C2CD3: variants seen among roughly 807,000 people sequenced by gnomAD.
C2CD3 encodes the protein C2 domain-containing protein 3.
In C2CD3, 148 loss-of-function variants were observed where a neutral mutation model predicts 234.0. The ratio of observed to expected loss-of-function variants is 0.63; its 90% CI spans 0.55 to 0.72. C2CD3 has a LOEUF of 0.72. Among genes scored for constraint, C2CD3 ranks in the 30% least tolerant of loss-of-function variants. The probability of loss-of-function intolerance (pLI) is 0.00; values close to 1 mark genes in which losing one functional copy is unlikely to be tolerated. For synonymous variants in C2CD3, 1,000 were observed against 1,035.4 expected (o/e 0.97, Z 0.66); for missense variants, 2,577 against 2,811.5 (o/e 0.92, Z 1.89).
At chr11:74,054,780 T>C in intron 25 of C2CD3, 109 bp from the exon 26 acceptor site, 5 of 666,638 alleles carry the variant, frequency 7.5e-6, no homozygotes, top group African/African-American at 1.9e-5. Context: ...CCCAACACTA[T>C]TTCATCTTCT....
At chr11:74,084,434 A>T (rs1025767372) in intron 22 of C2CD3, among the ~76,000 whole-genome samples, 35 of 42,478 alleles carry the variant, frequency 8.2e-4, no homozygotes, top group African/African-American at 2.5e-3. Context: ...AAGTATAATA[A>T]AAAAAAAAAA....
chr11:74,106,380 G>A lies in C2CD3; in HGVS notation c.2076C>T (p.Gly692=). The A allele has an allele frequency of 1.2e-6, 2 of 1,613,908 alleles. No individual in the cohort carries two copies. Among genetic ancestry groups the A allele is most frequent in the South Asian group, 1.1e-5 (1 of 91,056 alleles). Residue 692 remains glycine (G), a synonymous_variant, in exon 13 of 33, where the codon GGC becomes GGT. Coordinates refer to ENST00000334126, the MANE Select transcript of C2CD3 (RefSeq NM_001286577.2). ...VQQENGQSPF[G]PLKVTMELIT... ...ATGTATATCTACATACCTTGAGGGGGCCAAATGGAGACTGACCATTTTCTT... is the reference window on the plus strand; with the variant it reads ...ATGTATATCTACATACCTTGAGGGGACCAAATGGAGACTGACCATTTTCTT...
In C2CD3 at chr11:74,092,512, T is replaced by C; in HGVS notation, c.3421A>G (p.Thr1141Ala). 2 of 1,613,520 alleles carry C rather than the reference T, an allele frequency of 1.2e-6. No homozygotes were observed. The highest frequency in any genetic ancestry group is 4.5e-5 in the East Asian group (2 of 44,874). The change falls in exon 19 of 33, where the codon ACC (threonine) becomes GCC (alanine). Residue 1141 changes from threonine (T) to alanine (A), a missense_variant. Physicochemically the swap from Thr to Ala is moderately conservative, Grantham distance 58. Coordinates refer to ENST00000334126, the MANE Select transcript of C2CD3 (RefSeq NM_001286577.2). ...CCCACATCCTCACGATGCTGGGTGG[T>C]TACCATAGCACAGATCCTTGATAAT... is the stretch of plus-strand genomic sequence containing the variant. ...LPLSRICAMV[T>A]TQHREDVGIQ... is the part of the protein sequence containing the mutation.
At chr11:74,084,464 C>G (rs984143858) in intron 22 of C2CD3, among the ~76,000 whole-genome samples, 1 of 151,090 alleles carries the variant, frequency 6.6e-6, no homozygotes, top group East Asian at 1.9e-4. Context: ...AAAAAAGAAA[C>G]GGGGTTTCAC....
chr11:74,024,530 C>A (rs1008411986), intron 32 of C2CD3, among the ~76,000 whole-genome samples: 1 of 152,106 alleles, frequency 6.6e-6, no homozygotes, highest in Admixed American at 6.5e-5. Context: ...CAAAGTGAGG[C>A]CTTTTTAATA....
At chr11:74,101,310 G>A (rs1157696676) in intron 14 of C2CD3, among the ~76,000 whole-genome samples, 1 of 152,102 alleles carries the variant, frequency 6.6e-6, no homozygotes, top group Non-Finnish European at 1.5e-5. Flanking sequence ...TAGAATCAAG[G>A]GCCCACCAAT....
chr11:74,025,300 G>A (rs1952247005), intron 32 of C2CD3, among the ~76,000 whole-genome samples: 1 of 152,190 alleles, frequency 6.6e-6, no homozygotes, highest in Non-Finnish European at 1.5e-5. Flanking sequence ...AGTTGTGAGT[G>A]CGAAGTTTAG....
intron 7 of C2CD3, among the ~76,000 whole-genome samples, chr11:74,132,179 C>T (rs911348535): frequency 7.2e-5 from 11 of 151,990 alleles, no homozygotes; most frequent in African/African-American, 2.2e-4. Flanking sequence ...GGTGAAACCC[C>T]GTCGCTACTA....
chr11:74,054,199 G>A (rs983130773), intron 26 of C2CD3, among the ~76,000 whole-genome samples: 1 of 151,402 alleles, frequency 6.6e-6, no homozygotes, highest in African/African-American at 2.4e-5. Context: ...GTGAACCTGG[G>A]AGGCGGAGCT....
At chr11:74,149,597 CT>C (rs1159593570) in intron 3 of C2CD3, among the ~76,000 whole-genome samples, 7,573 of 143,342 alleles carry the variant, frequency 0.053, 582 homozygotes, top group African/African-American at 0.18. Context: ...TGTTTTGTAA[CT>C]TTTTTTTTTT....
rs2135537518 is a variant in C2CD3 at position 74,133,503 on chromosome 11, T to C, written c.1010A>G (p.Lys337Arg). The C allele has an allele frequency of 6.2e-7, 1 of 1,614,050 alleles. No homozygotes were observed. Among genetic ancestry groups the C allele is most frequent in the East Asian group, 2.2e-5 (1 of 44,876 alleles). ...LRNAMVISAM[K>R]SSPETSMLLD... ...CAACATGCTGGTCTCTGGGCTTGATTTCATTGCAGAAATCACCATGGCATT... is the reference window on the plus strand; with the variant it reads ...CAACATGCTGGTCTCTGGGCTTGATCTCATTGCAGAAATCACCATGGCATT... Residue 337 changes from lysine (K) to arginine (R), a missense_variant, in exon 6 of 33, where the codon AAA becomes AGA. Physicochemically the swap from Lys to Arg is conservative, Grantham distance 26. Transcript: ENST00000334126.
At chr11:74,047,755 C>G (rs1488285547) in intron 28 of C2CD3, among the ~76,000 whole-genome samples, 1 of 152,192 alleles carries the variant, frequency 6.6e-6, no homozygotes, top group Non-Finnish European at 1.5e-5. Flanking sequence ...AAGCAGCAAC[C>G]TTATTCTTAG....
intron 23 of C2CD3, among the ~76,000 whole-genome samples, chr11:74,075,957 G>A (rs934515177): frequency 2.6e-5 from 4 of 152,170 alleles, no homozygotes; most frequent in East Asian, 1.9e-4. Flanking sequence ...TGAGAGAAAC[G>A]GATGATCTGA....
At chr11:74,016,726 A>G (rs1212281249) in intron 32 of C2CD3, 1 of 152,242 alleles carries the variant, frequency 6.6e-6, no homozygotes, top group African/African-American at 2.4e-5. Flanking sequence ...GCCAGAGGCG[A>G]AATTGGCCAG....
At position 74,090,908 on chromosome 11, in the gene C2CD3, C is replaced by T; in HGVS notation, c.3546G>A (p.Arg1182=). The part of the protein sequence containing the change: ...SGLLDVGLRY[R]RSPRTAEGVL... The stretch of plus-strand genomic sequence containing the variant: ...CTCCCTCTGCTGTTCTTGGACTACG[C>T]CTGTACCTTAGGCCCACATCCAGTA... The change falls in exon 20 of 33, where the codon AGG becomes AGA. Residue 1182 remains arginine, a synonymous_variant. Transcript: ENST00000334126. 6.2e-7 allele frequency: 1 copy of T among 1,614,002 alleles called. No homozygotes were observed. Among genetic ancestry groups the T allele is most frequent in the Non-Finnish European group, 8.5e-7 (1 of 1,179,962 alleles).
At position 74,085,627 on chromosome 11, in the gene C2CD3, T is replaced by C. The variant is rs565556052; in HGVS notation, c.3901A>G (p.Thr1301Ala). ...GTCATATGGTGCTCACCTGACTTGG[T>C]ATTTTCATGATAGACAGCAAAAATA... The part of the protein sequence containing the change: ...EVIFAVYHEN[T>A]KSASDIISIE... The change falls in exon 21 of 33, where the codon ACC becomes GCC. Residue 1301 changes from threonine (T) to alanine (A), a missense_variant. Coordinates refer to ENST00000334126, the MANE Select transcript of C2CD3 (RefSeq NM_001286577.2). 5.0e-6 allele frequency: 8 copies of C among 1,614,148 alleles called. No homozygotes were observed. The African/African-American group carries it at 9.3e-5, about 19-fold the overall frequency.
intron 30 of C2CD3, 28 bp from the exon 31 acceptor site, chr11:74,034,306 TACAAGGTAGGGCC>T (rs1280202528): frequency 2.0e-6 from 3 of 1,520,248 alleles, no homozygotes; most frequent in Non-Finnish European, 2.6e-6. Flanking sequence ...TCACTCTTAT[TACAAGGTAGGGCC>T]ACAGACCCCT....
In C2CD3 at chr11:74,093,795, ACTGG is replaced by A; in HGVS notation, c.3344+17_3344+20del. 1 of 1,605,204 alleles carries A rather than the reference ACTGG, an allele frequency of 6.2e-7. No individual in the cohort carries two copies. Among genetic ancestry groups the A allele is most frequent in the South Asian group, 1.1e-5 (1 of 90,734 alleles). ...TGTGCACTTCCTTCCTAGGCATAGGACTGGGGTCTCCACACTGTACCTGCACCAG... is the reference window on the plus strand; with the variant it reads ...TGTGCACTTCCTTCCTAGGCATAGGAGGTCTCCACACTGTACCTGCACCAG... On this transcript the variant is annotated intron_variant, in intron 18 of 32. Transcript: ENST00000334126.
rs774139250 is a variant in C2CD3 at position 74,139,642 on chromosome 11, CTT to C, written c.668_669del (p.Lys223ArgfsTer8). The part of the protein sequence containing the change: ...RDIHTIKIDG[K>X]ELAANSSRST... ...GATCTACTGCTGTTGGCTGCTAACT[CTT>C]TTCCATCAATTTTGATGGTATGTAT... is the stretch of plus-strand genomic sequence containing the variant. On this transcript the variant is annotated frameshift_variant, in exon 4 of 33. Transcript: ENST00000334126. LOFTEE classifies it high-confidence loss of function. 1 of 1,613,976 alleles carries C rather than the reference CTT, an allele frequency of 6.2e-7. No individual in the cohort carries two copies. The highest frequency in any genetic ancestry group is 1.1e-5 in the South Asian group (1 of 91,070).
Sources: gnomAD v4.1 joint callset for allele counts (sites outside exome capture counted in the v4.1 genomes callset) on GRCh38, gnomAD v4.1.1 for gene constraint, MANE v1.5 for transcripts, NCBI Gene and HGNC (gene_info 2026-07-23, HGNC 2026-07-21) for gene names.